Variants in SYT16 observed in about 807,000 individuals in gnomAD.
The protein encoded by SYT16 is synaptotagmin-16.
A neutral mutation model predicts 61.4 loss-of-function variants in SYT16; 42 were observed. That is an observed-to-expected ratio of 0.68 (90% CI 0.53 to 0.89). The LOEUF is 0.89. Ranked by LOEUF, SYT16 falls within the 40% of genes least tolerant of loss-of-function variation. The pLI, the probability that SYT16 is intolerant of heterozygous loss-of-function variation, is 0.00. For missense variants in SYT16, 804 were observed against 807.3 expected (o/e 1.00, Z 0.05); for synonymous variants, 314 against 302.3 (o/e 1.04, Z -0.40).
intron 1 of SYT16, among the ~76,000 whole-genome samples, chr14:61,933,112 T>A (rs1481445458): frequency 1.3e-5 from 2 of 152,154 alleles, no homozygotes; most frequent in African/African-American, 4.8e-5. Flanking sequence ...TTCAGGCACT[T>A]GTTTGTTTGT....
chr14:61,868,407 G>T (rs990091526), intron 1 of SYT16, among the ~76,000 whole-genome samples: 13 of 151,342 alleles, frequency 8.6e-5, no homozygotes, highest in Non-Finnish European at 1.8e-4. Context: ...GCTCTTATTT[G>T]TCAGATTTCT....
At chr14:61,884,044 G>A (rs2047799656) in intron 1 of SYT16, among the ~76,000 whole-genome samples, 1 of 152,192 alleles carries the variant, frequency 6.6e-6, no homozygotes, top group African/African-American at 2.4e-5. Flanking sequence ...TACAATTCAA[G>A]ATGAGGTTTT....
chr14:62,038,760 G>T (rs1595226023), intron 3 of SYT16, among the ~76,000 whole-genome samples: 1 of 152,240 alleles, frequency 6.6e-6, no homozygotes, highest in South Asian at 2.1e-4. Context: ...ATCAGAAAGG[G>T]CTCACCCACA....
intron 7 of SYT16, among the ~76,000 whole-genome samples, chr14:62,095,498 G>C (rs1477713743): frequency 6.6e-6 from 1 of 151,492 alleles, no homozygotes; most frequent in African/African-American, 2.4e-5. Flanking sequence ...ATTTATAATA[G>C]GAACAAAATA....
intron 1 of SYT16, among the ~76,000 whole-genome samples, chr14:61,845,055 T>G (rs1328805798): frequency 6.9e-6 from 1 of 144,468 alleles, no homozygotes; most frequent in Non-Finnish European, 1.5e-5. Context: ...TTTTTTTTTT[T>G]TTTTTTTTTT....
At chr14:61,972,608 A>G (rs1223082059) in intron 2 of SYT16, among the ~76,000 whole-genome samples, 1 of 152,248 alleles carries the variant, frequency 6.6e-6, no homozygotes, top group African/African-American at 2.4e-5. Context: ...ATTGTTATCA[A>G]AAGTCTTTGA....
intron 1 of SYT16, among the ~76,000 whole-genome samples, chr14:61,893,978 C>T (rs1175763570): frequency 6.6e-6 from 1 of 152,160 alleles, no homozygotes; most frequent in Non-Finnish European, 1.5e-5. Flanking sequence ...TCAGTTCTAC[C>T]CCACAGCTCA....
At chr14:61,966,897 T>G (rs2140516301) in intron 1 of SYT16, among the ~76,000 whole-genome samples, 1 of 152,324 alleles carries the variant, frequency 6.6e-6, no homozygotes, top group African/African-American at 2.4e-5. Context: ...GTTCCAACAT[T>G]TATTCAGGCA....
At chr14:62,023,477 T>A (rs1261335053) in intron 3 of SYT16, among the ~76,000 whole-genome samples, 9 of 152,166 alleles carry the variant, frequency 5.9e-5, no homozygotes. Context: ...TTTACTCATA[T>A]TTTTGGGTTC....
chr14:61,830,577 C>A (rs17099245), intron 1 of SYT16, among the ~76,000 whole-genome samples: 20,116 of 152,112 alleles, frequency 0.13, 1,401 homozygotes, highest in African/African-American at 0.17. Flanking sequence ...ATTTAGGGGT[C>A]TGCACAGGAC....
At chr14:62,049,784 A>G (rs991264384) in intron 3 of SYT16, among the ~76,000 whole-genome samples, 1 of 151,984 alleles carries the variant, frequency 6.6e-6, no homozygotes, top group Non-Finnish European at 1.5e-5. Flanking sequence ...TTCTTTAAGA[A>G]TGTTGAATAT....
At chr14:62,003,741 A>G (rs1273108006) in intron 3 of SYT16, among the ~76,000 whole-genome samples, 1 of 152,142 alleles carries the variant, frequency 6.6e-6, no homozygotes, top group Non-Finnish European at 1.5e-5. Context: ...TTGTGTAAAG[A>G]ACATATTGGT....
chr14:62,075,251 A>C lies in SYT16; in HGVS notation c.853A>C (p.Thr285Pro). The change falls in exon 5 of 8, where the codon ACA (threonine) becomes CCA (proline). Residue 285 changes from threonine to proline, a missense_variant. Transcript: ENST00000683842. Reference protein sequence around the residue: ...CERGDAKHHGTSHQESSVVQS... With the variant: ...CERGDAKHHGPSHQESSVVQS... ...AAGAGGGGATGCCAAACACCACGGC[A>C]CATCTCACCAAGAGTCCAGTGTGGT... The C allele has an allele frequency of 3.7e-6, 6 of 1,613,922 alleles. No individual in the cohort carries two copies. The highest frequency in any genetic ancestry group is 5.1e-6 in the Non-Finnish European group (6 of 1,179,866).
At chr14:61,838,365 C>T (rs139206677) in intron 1 of SYT16, among the ~76,000 whole-genome samples, 10 of 152,260 alleles carry the variant, frequency 6.6e-5, no homozygotes, top group Admixed American at 3.3e-4. Flanking sequence ...CTGCACATTC[C>T]GACATGCTGC....
chr14:61,840,572 C>A (rs548087882), intron 1 of SYT16, among the ~76,000 whole-genome samples: 10 of 152,238 alleles, frequency 6.6e-5, no homozygotes, highest in Middle Eastern at 3.4e-3. Context: ...CTTTTCTTTT[C>A]TTTCTTTCCT....
At chr14:61,858,569 C>A (rs1426077762) in intron 1 of SYT16, among the ~76,000 whole-genome samples, 1 of 152,182 alleles carries the variant, frequency 6.6e-6, no homozygotes, top group East Asian at 1.9e-4. Context: ...CCTGTTCCAA[C>A]TTCCTAGGCT....
At chr14:61,995,784 C>T (rs1261102124) in intron 2 of SYT16, 92 bp from the exon 3 acceptor site, 4 of 391,886 alleles carry the variant, frequency 1.0e-5, no homozygotes, top group South Asian at 1.1e-4. Flanking sequence ...CTTTTTGTGC[C>T]CAAATGCTGT....
At chr14:62,084,924 G>T (rs2056835859) in intron 7 of SYT16, among the ~76,000 whole-genome samples, 1 of 152,214 alleles carries the variant, frequency 6.6e-6, no homozygotes, top group South Asian at 2.1e-4. Flanking sequence ...TTAGTACCAT[G>T]CCTATCACAT....
At chr14:61,935,605 C>T (rs528641139) in intron 1 of SYT16, among the ~76,000 whole-genome samples, 1 of 152,222 alleles carries the variant, frequency 6.6e-6, no homozygotes, top group African/African-American at 2.4e-5. Flanking sequence ...GTGAAACGGA[C>T]CAAGCACAGA....
Sources: allele counts gnomAD v4.1 joint callset (sites outside exome capture counted in the v4.1 genomes callset), GRCh38; gene constraint gnomAD v4.1.1; transcripts MANE v1.5; gene names NCBI Gene and HGNC (gene_info 2026-07-23, HGNC 2026-07-21).